Variants in PTK2B observed in about 807,000 individuals in gnomAD.
The protein encoded by PTK2B is protein-tyrosine kinase 2-beta.
Under a neutral mutation model 142.9 loss-of-function variants are expected in PTK2B, and 71 were observed. The observed-to-expected ratio is 0.50, with a 90% CI of 0.41 to 0.61. The LOEUF is 0.61. PTK2B is among the 20% of genes least tolerant of loss of function. The pLI is 0.00. For missense variants in PTK2B, 1,105 were observed against 1,320.4 expected, an observed-to-expected ratio of 0.84 and a Z score of 2.53; for synonymous variants, 519 against 503.4, an observed-to-expected ratio of 1.03 and a Z score of -0.42.
intron 1 of PTK2B, among the ~76,000 whole-genome samples, chr8:27,347,148 G>A (rs971715576): frequency 1.1e-4 from 16 of 151,818 alleles, no homozygotes; most frequent in Admixed American, 3.3e-4. Context: ...AGGCCAAAAC[G>A]GGTGGATCAC....
chr8:27,361,626 G>T (rs930071203), intron 1 of PTK2B, among the ~76,000 whole-genome samples: 1 of 152,122 alleles, frequency 6.6e-6, no homozygotes, highest in Non-Finnish European at 1.5e-5. Context: ...TGGATAGGGG[G>T]CTTATGGGCT....
At chr8:27,426,458 C>A (rs1025206374) in intron 5 of PTK2B, among the ~76,000 whole-genome samples, 1 of 152,184 alleles carries the variant, frequency 6.6e-6, no homozygotes, top group Non-Finnish European at 1.5e-5. Flanking sequence ...GACGTGGGTG[C>A]CCCTGGAGAG....
chr8:27,334,247 A>G (rs553844731), intron 1 of PTK2B, among the ~76,000 whole-genome samples: 19 of 152,208 alleles, frequency 1.2e-4, no homozygotes, highest in East Asian at 3.9e-4. Flanking sequence ...AAGCTCCCCA[A>G]TGCCTGCAGG....
At chr8:27,357,115 C>A (rs1805436351) in intron 1 of PTK2B, among the ~76,000 whole-genome samples, 1 of 152,122 alleles carries the variant, frequency 6.6e-6, no homozygotes, top group Non-Finnish European at 1.5e-5. Context: ...AGTTCAGTCA[C>A]AGTATTATAT....
At chr8:27,345,763 AC>A (rs1804676051) in intron 1 of PTK2B, among the ~76,000 whole-genome samples, 2 of 152,188 alleles carry the variant, frequency 1.3e-5, no homozygotes, top group South Asian at 4.1e-4. Flanking sequence ...TGGAAAACAT[AC>A]GAAACCTATA....
At chr8:27,421,958 T>A (rs1219726133) in intron 4 of PTK2B, among the ~76,000 whole-genome samples, 1 of 152,222 alleles carries the variant, frequency 6.6e-6, no homozygotes, top group Non-Finnish European at 1.5e-5. Context: ...GAATGACATT[T>A]ATCACTACTT....
intron 1 of PTK2B, among the ~76,000 whole-genome samples, chr8:27,326,063 C>T (rs1032493319): frequency 1.3e-5 from 2 of 152,210 alleles, no homozygotes; most frequent in South Asian, 2.1e-4. Context: ...CCCCGCTCCC[C>T]GCTCCCTCCC....
At chr8:27,338,635 C>G (rs758104114) in intron 1 of PTK2B, among the ~76,000 whole-genome samples, 8 of 152,138 alleles carry the variant, frequency 5.3e-5, no homozygotes, top group Non-Finnish European at 8.8e-5. Flanking sequence ...TTTTAAGTAA[C>G]CTTTGTAAGC....
At chr8:27,321,208 C>T (rs1225701391), upstream of PTK2B, among the ~76,000 whole-genome samples, 1 of 151,844 alleles carries the variant, frequency 6.6e-6, no homozygotes, top group Non-Finnish European at 1.5e-5. Context: ...GTTGGCCAGG[C>T]TGGCCTCGAA....
chr8:27,429,498 G>A (rs1179952135), intron 5 of PTK2B, among the ~76,000 whole-genome samples: 1 of 152,138 alleles, frequency 6.6e-6, no homozygotes, highest in African/African-American at 2.4e-5. Flanking sequence ...TTGCATAAAA[G>A]TATTTATCAA....
In PTK2B at chr8:27,439,425, A is replaced by G. The variant is rs186148552; in HGVS notation, c.1834+27A>G. The G allele has an allele frequency of 1.5e-3, 2,328 of 1,594,216 alleles. 29 individuals are homozygous for G. In the Admixed American group the frequency reaches 0.02, roughly 14 times the overall value. ...TGAGTGCTGATTTGGGAGGGCATGA[A>G]AAGGTGTTCAGATTCTCACTTCTGA... is the stretch of plus-strand genomic sequence containing the variant. On this transcript the variant is annotated intron_variant, in intron 20 of 30. Transcript: ENST00000346049.
At chr8:27,335,841 G>A (rs1041379115) in intron 1 of PTK2B, among the ~76,000 whole-genome samples, 3 of 152,150 alleles carry the variant, frequency 2.0e-5, no homozygotes, top group Admixed American at 6.5e-5. Context: ...GGGGTGTGGG[G>A]ACTTTTTAGC....
exon 2 of PTK2B, chr8:27,312,335 A>G (rs914548258): frequency 6.6e-6 from 1 of 152,230 alleles, no homozygotes. Flanking sequence ...CCTGGAAGAC[A>G]GAATTCTTGT....
chr8:27,431,604 GC>G, intron 9 of PTK2B, 132 bp downstream of exon 9: 1 of 1,195,312 alleles, frequency 8.4e-7, no homozygotes, highest in Non-Finnish European at 1.2e-6. Flanking sequence ...CTAAGGCCAT[GC>G]CCTGGCGTGA....
At chr8:27,370,680 G>A (rs1208325484) in intron 1 of PTK2B, among the ~76,000 whole-genome samples, 2 of 152,208 alleles carry the variant, frequency 1.3e-5, no homozygotes, top group Non-Finnish European at 2.9e-5. Flanking sequence ...TGGAAACTGG[G>A]TATGTTGCCT....
chr8:27,454,953 CAT>C (rs1208096403), intron 30 of PTK2B, among the ~76,000 whole-genome samples: 5 of 151,782 alleles, frequency 3.3e-5, no homozygotes, highest in South Asian at 2.1e-4. Flanking sequence ...ATGGATGTGT[CAT>C]AGAAATATCA....
In PTK2B at chr8:27,376,387, G is replaced by C. The variant is rs74463742; in HGVS notation, c.-37-21161G>C. The stretch of plus-strand genomic sequence containing the variant: ...TTGAGGTTGGGACTAAAATGTGTCT[G>C]AGCAGCAGGTGGGCCTGGACTGGAA... On this transcript the variant is annotated intron_variant, in intron 1 of 30. Transcript: ENST00000346049. Among the ~76,000 whole-genome samples, 104 of 152,338 alleles carry C rather than the reference G, an allele frequency of 6.8e-4. 2 individuals carry two copies. The East Asian group carries it at 0.019, about 28-fold the overall frequency.
chr8:27,408,774 G>A (rs1808879868), intron 2 of PTK2B, among the ~76,000 whole-genome samples: 1 of 152,210 alleles, frequency 6.6e-6, no homozygotes, highest in Admixed American at 6.5e-5. Flanking sequence ...GGTCAGACAT[G>A]GAGCATTGTT....
At chr8:27,401,323 A>G (rs575233979) in intron 2 of PTK2B, among the ~76,000 whole-genome samples, 96 of 152,328 alleles carry the variant, frequency 6.3e-4, no homozygotes, top group African/African-American at 2.3e-3. Context: ...GCTTTAAGGA[A>G]ATAGTGGCTG....
Sources: gnomAD v4.1 joint callset for allele counts (sites outside exome capture counted in the v4.1 genomes callset) on GRCh38, gnomAD v4.1.1 for gene constraint, MANE v1.5 for transcripts, NCBI Gene and HGNC (gene_info 2026-07-23, HGNC 2026-07-21) for gene names.